RASGRF2: variants seen among roughly 807,000 people sequenced by gnomAD.
The protein encoded by RASGRF2 is Ras protein specific guanine nucleotide releasing factor 2, also known as ras-specific guanine nucleotide-releasing factor 2.
RASGRF2 carries 76 observed loss-of-function variants against 151.0 expected under a neutral mutation model. The ratio of observed to expected loss-of-function variants is 0.50; its 90% CI spans 0.42 to 0.61. The LOEUF is 0.61. RASGRF2 is among the 20% of genes least tolerant of loss of function. The pLI, the probability that RASGRF2 is intolerant of heterozygous loss-of-function variation, is 0.00. For missense variants in RASGRF2, 1,148 were observed against 1,564.6 expected, an observed-to-expected ratio of 0.73 and a Z score of 4.49; for synonymous variants, 504 against 566.5, an observed-to-expected ratio of 0.89 and a Z score of 1.57.
chr5:80,968,923 A>G (rs933291141), intron 1 of RASGRF2, among the ~76,000 whole-genome samples: 3 of 151,898 alleles, frequency 2.0e-5, no homozygotes, highest in African/African-American at 7.3e-5. Context: ...GCCTCAAGCA[A>G]TTCTCCTACC....
chr5:81,093,013 T>C (rs1159778400), intron 10 of RASGRF2, 52 bp downstream of exon 10: 1 of 1,496,274 alleles, frequency 6.7e-7, no homozygotes, highest in African/African-American at 1.4e-5. Context: ...TTACAAGTTA[T>C]TGAAGTTAAC....
chr5:80,988,672 A>G (rs1748552477), intron 1 of RASGRF2, among the ~76,000 whole-genome samples: 1 of 152,208 alleles, frequency 6.6e-6, no homozygotes, highest in African/African-American at 2.4e-5. Flanking sequence ...TTAATGAGGC[A>G]GAAGTAACAT....
intron 1 of RASGRF2, among the ~76,000 whole-genome samples, chr5:81,039,912 A>G (rs1209993379): frequency 2.0e-5 from 3 of 152,218 alleles, no homozygotes; most frequent in Admixed American, 1.3e-4. Flanking sequence ...AGTCCTAGTT[A>G]GGACAGTTTG....
chr5:80,994,114 G>A (rs1346520098), intron 1 of RASGRF2, among the ~76,000 whole-genome samples: 2 of 152,048 alleles, frequency 1.3e-5, no homozygotes, highest in African/African-American at 4.8e-5. Flanking sequence ...ACTTTAAGAA[G>A]GGGTAGTCTG....
rs1036713681 is a variant in RASGRF2, at chr5:81,123,733, A to C, written c.2562A>C (p.Ser854=). Residue 854 remains serine, a synonymous_variant, in exon 16 of 27, where the codon TCA becomes TCC. Coordinates refer to ENST00000265080, the MANE Select transcript of RASGRF2 (RefSeq NM_006909.3). ...TTELSPCRSP[S]TPRHLRYRQP... ...AACTTTCACCTTGCAGATCCCCCTC[A>C]ACTCCTCGGCACCTCCGCTATCGAC... 1 of 1,613,870 alleles carries C rather than the reference A, an allele frequency of 6.2e-7. No homozygotes were observed. The highest frequency in any genetic ancestry group is 8.5e-7 in the Non-Finnish European group (1 of 1,179,894).
intron 12 of RASGRF2, among the ~76,000 whole-genome samples, chr5:81,098,080 A>G (rs1752597408): frequency 6.6e-6 from 1 of 152,112 alleles, no homozygotes; most frequent in South Asian, 2.1e-4. Flanking sequence ...GGAGTTGGAG[A>G]TTAGGGATCT....
At chr5:81,111,688 A>C (rs556396447) in intron 13 of RASGRF2, among the ~76,000 whole-genome samples, 9 of 152,274 alleles carry the variant, frequency 5.9e-5, no homozygotes, top group African/African-American at 2.2e-4. Context: ...AAACTGTAGG[A>C]AAGTGTAGGA....
intron 9 of RASGRF2, among the ~76,000 whole-genome samples, chr5:81,090,127 G>A (rs367798619): frequency 8.5e-5 from 13 of 152,292 alleles, no homozygotes; most frequent in South Asian, 4.1e-4. Flanking sequence ...TAAGTCATGC[G>A]CTTTCAATGT....
At chr5:81,094,255 A>C (rs1376250305) in intron 10 of RASGRF2, 41 bp from the exon 11 acceptor site, 1 of 1,524,546 alleles carries the variant, frequency 6.6e-7, no homozygotes, top group Admixed American at 1.7e-5. Flanking sequence ...CAATCTACAC[A>C]AGACCTTCAG....
At chr5:81,188,434 G>A (rs1238354277) in intron 18 of RASGRF2, among the ~76,000 whole-genome samples, 3 of 152,154 alleles carry the variant, frequency 2.0e-5, no homozygotes, top group African/African-American at 4.8e-5. Context: ...GAGCAAGGAG[G>A]ACGAACCATT....
chr5:81,120,435 T>A (rs1753274746), intron 15 of RASGRF2, among the ~76,000 whole-genome samples: 2 of 151,844 alleles, frequency 1.3e-5, no homozygotes, highest in Admixed American at 1.3e-4. Flanking sequence ...ATAAAAAAAA[T>A]AGCCAGATGT....
At chr5:81,182,209 T>C (rs1481506912) in intron 18 of RASGRF2, among the ~76,000 whole-genome samples, 1 of 152,198 alleles carries the variant, frequency 6.6e-6, no homozygotes, top group African/African-American at 2.4e-5. Context: ...GTGATGTAAA[T>C]AGCTCAGGGA....
chr5:80,968,383 A>G (rs1038508200), intron 1 of RASGRF2, among the ~76,000 whole-genome samples: 1 of 152,054 alleles, frequency 6.6e-6, no homozygotes, highest in Non-Finnish European at 1.5e-5. Context: ...ACCACTTTAA[A>G]GCAAGTTCCA....
At chr5:81,144,929 C>A (rs1210969888) in intron 17 of RASGRF2, among the ~76,000 whole-genome samples, 2 of 152,002 alleles carry the variant, frequency 1.3e-5, no homozygotes, top group East Asian at 1.9e-4. Flanking sequence ...GCCCAATGCA[C>A]ACTTGATGTT....
chr5:81,108,882 A>T (rs879197556), intron 12 of RASGRF2, 114 bp from the exon 13 acceptor site: 18 of 682,288 alleles, frequency 2.6e-5, no homozygotes, highest in Middle Eastern at 5.2e-4. Flanking sequence ...GTGTGTGTGT[A>T]AGAGACAGGG....
chr5:81,205,956 A>C (rs1755496272), intron 19 of RASGRF2, among the ~76,000 whole-genome samples: 2 of 152,066 alleles, frequency 1.3e-5, no homozygotes, highest in African/African-American at 4.8e-5. Context: ...TCACCGTGTT[A>C]GCCAGGATGG....
chr5:81,114,052 A>G, intron 15 of RASGRF2, 132 bp downstream of exon 15: 2 of 1,218,286 alleles, frequency 1.6e-6, no homozygotes, highest in African/African-American at 1.5e-5. Flanking sequence ...GAATGAGCTC[A>G]ATGGTTAGTT....
At chr5:81,112,500 G>T (rs901863875) in intron 13 of RASGRF2, 110 bp from the exon 14 acceptor site, 8 of 1,390,708 alleles carry the variant, frequency 5.8e-6, no homozygotes, top group African/African-American at 1.4e-5. Flanking sequence ...CCTATCAAAT[G>T]CAGTGAGAAG....
At chr5:80,966,477 T>C (rs577206528) in intron 1 of RASGRF2, among the ~76,000 whole-genome samples, 6 of 152,344 alleles carry the variant, frequency 3.9e-5, no homozygotes, top group Middle Eastern at 3.4e-3. Flanking sequence ...ATTTGGCCTT[T>C]ATTCTAAAAT....
Sources: allele counts gnomAD v4.1 joint callset (sites outside exome capture counted in the v4.1 genomes callset), GRCh38; gene constraint gnomAD v4.1.1; transcripts MANE v1.5; gene names NCBI Gene and HGNC (gene_info 2026-07-23, HGNC 2026-07-21).